The following CCR3 variants were observed in gnomAD, a reference collection of about 807,000 sequenced individuals.
The protein encoded by CCR3 is C-C motif chemokine receptor 3.
For synonymous variants in CCR3, 203 were observed against 179.2 expected (o/e 1.13, Z -1.06); for missense variants, 419 against 437.5 (o/e 0.96, Z 0.38).
At chr3:46,248,545 G>A (rs887483551) in intron 1 of CCR3, among the ~76,000 whole-genome samples, 6 of 152,138 alleles carry the variant, frequency 3.9e-5, no homozygotes, top group Admixed American at 6.5e-5. Flanking sequence ...AGGGATTGAG[G>A]TTTGGGAGAT....
chr3:46,213,997 C>T (rs1160417900), intron 2 of CCR3, among the ~76,000 whole-genome samples: 1 of 152,212 alleles, frequency 6.6e-6, no homozygotes, highest in Non-Finnish European at 1.5e-5. Context: ...AGATCCAGCT[C>T]CCCCACTTGC....
chr3:46,220,080 C>T (rs1699817639), intron 2 of CCR3, among the ~76,000 whole-genome samples: 1 of 152,188 alleles, frequency 6.6e-6, no homozygotes, highest in Admixed American at 6.5e-5. Flanking sequence ...AAAATCTTTG[C>T]AAACTGTGCA....
chr3:46,244,491 G>A (rs1305827807), intron 1 of CCR3, among the ~76,000 whole-genome samples: 1 of 152,152 alleles, frequency 6.6e-6, no homozygotes, highest in Non-Finnish European at 1.5e-5. Flanking sequence ...GATAAGGGTG[G>A]GGCCGTTTTA....
intron 1 of CCR3, among the ~76,000 whole-genome samples, chr3:46,250,225 G>C (rs1307209093): frequency 6.6e-6 from 1 of 152,158 alleles, no homozygotes; most frequent in Non-Finnish European, 1.5e-5. Flanking sequence ...GGAAGGGCTA[G>C]TGATGGAACG....
intron 2 of CCR3, among the ~76,000 whole-genome samples, chr3:46,225,940 A>G (rs1699889625): frequency 6.6e-6 from 1 of 152,152 alleles, no homozygotes; most frequent in Admixed American, 6.5e-5. Flanking sequence ...TTTTGAAAAG[A>G]CTATCCCTCC....
intron 2 of CCR3, among the ~76,000 whole-genome samples, chr3:46,231,078 T>C (rs940236019): frequency 2.0e-5 from 3 of 152,108 alleles, no homozygotes; most frequent in African/African-American, 4.8e-5. Context: ...GCACACACCA[T>C]CACACCCAGC....
intron 2 of CCR3, among the ~76,000 whole-genome samples, chr3:46,215,649 A>C (rs935044446): frequency 3.3e-5 from 5 of 152,192 alleles, no homozygotes; most frequent in African/African-American, 1.2e-4. Context: ...GTGGGATAGA[A>C]GTCTGTATAG....
At chr3:46,229,918 G>A (rs999286869) in intron 2 of CCR3, among the ~76,000 whole-genome samples, 1 of 152,144 alleles carries the variant, frequency 6.6e-6, no homozygotes, top group East Asian at 1.9e-4. Flanking sequence ...TAAGAGCGTG[G>A]TCCCAGGCAG....
At chr3:46,211,596 T>A (rs1699715278) in intron 2 of CCR3, among the ~76,000 whole-genome samples, 1 of 152,110 alleles carries the variant, frequency 6.6e-6, no homozygotes, top group Non-Finnish European at 1.5e-5. Context: ...AGATGTAATT[T>A]GTTTATATTT....
chr3:46,241,040 G>T (rs1421038654), upstream of CCR3, among the ~76,000 whole-genome samples: 3 of 152,064 alleles, frequency 2.0e-5, no homozygotes, highest in Admixed American at 6.5e-5. Context: ...GGTCTCTGTT[G>T]TCTCTGATCA....
chr3:46,255,230 T>C (rs1700397568), intron 1 of CCR3, among the ~76,000 whole-genome samples: 2 of 152,154 alleles, frequency 1.3e-5, no homozygotes. Flanking sequence ...TAGCCTACTT[T>C]TTGATGGGAT....
At position 46,234,324 on chromosome 3, in the gene CCR3, G is replaced by C. The variant is rs566915206; in HGVS notation, c.-67-8078G>C. Reference sequence around the variant, plus strand: ...TTAAATGTATTGGGATGGATTCATTGGTTTAATCAATGGGTAGTTCATGAG... The same window carrying C: ...TTAAATGTATTGGGATGGATTCATTCGTTTAATCAATGGGTAGTTCATGAG... On this transcript the variant is annotated intron_variant, in intron 2 of 3. Coordinates refer to the CCR3 transcript ENST00000357422. Among the ~76,000 whole-genome samples, 7 of 152,130 alleles carry C rather than the reference G, an allele frequency of 4.6e-5. No homozygotes were observed. In the South Asian group the frequency reaches 1.5e-3, roughly 32 times the overall value.
intron 2 of CCR3, among the ~76,000 whole-genome samples, chr3:46,229,952 C>T (rs1699943003): frequency 1.3e-5 from 2 of 152,088 alleles, no homozygotes; most frequent in African/African-American, 2.4e-5. Flanking sequence ...GCCCTTATCC[C>T]ATGAGTGGAC....
intron 1 of CCR3, among the ~76,000 whole-genome samples, chr3:46,243,487 G>T (rs1287436443): frequency 6.6e-6 from 1 of 152,078 alleles, no homozygotes; most frequent in Non-Finnish European, 1.5e-5. Flanking sequence ...GATTGATTTG[G>T]TGTCTTTTTT....
intron 2 of CCR3, among the ~76,000 whole-genome samples, chr3:46,235,049 T>C (rs1700009343): frequency 6.6e-6 from 1 of 152,194 alleles, no homozygotes; most frequent in Admixed American, 6.5e-5. Flanking sequence ...GGCTTTTAAA[T>C]TGGTCAGATT....
chr3:46,241,166 G>GCTCTCTCTCTCTCTCTCT (rs58133632), upstream of CCR3, among the ~76,000 whole-genome samples: 12 of 149,320 alleles, frequency 8.0e-5, no homozygotes, highest in African/African-American at 2.0e-4. Context: ...ATGTGTGTGC[G>GCTCTCTCTCTCTCTCTCT]CTCTCTCTCT....
chr3:46,260,099 G>A (rs1045243500), intron 1 of CCR3, among the ~76,000 whole-genome samples: 9 of 152,110 alleles, frequency 5.9e-5, no homozygotes, highest in East Asian at 1.9e-4. Context: ...ATCAGATCCC[G>A]TGAGACTCAT....
At chr3:46,259,517 A>T (rs1207548638) in intron 1 of CCR3, among the ~76,000 whole-genome samples, 3 of 152,236 alleles carry the variant, frequency 2.0e-5, no homozygotes, top group Non-Finnish European at 4.4e-5. Context: ...TTTCTGAAAC[A>T]CATATTAATA....
rs180971291 is a variant in CCR3, at chr3:46,247,148, G to A, written c.-12+4610G>A. ...TTTATTTACTTCAAGAGTTAAGAGC[G>A]GCGGTTTGGGGATAGCACGAGGAGA... On this transcript the variant is annotated intron_variant, in intron 1 of 1. Transcript: ENST00000395940. 1.2e-3 allele frequency among the ~76,000 whole-genome samples: 186 copies of A among 152,232 alleles called. 2 individuals carry two copies. The highest frequency in any genetic ancestry group is 2.2e-3 in the African/African-American group (92 of 41,516).
Sources: allele counts gnomAD v4.1 joint callset (sites outside exome capture counted in the v4.1 genomes callset), GRCh38; gene constraint gnomAD v4.1.1; transcripts MANE v1.5; gene names NCBI Gene and HGNC (gene_info 2026-07-23, HGNC 2026-07-21).